CATSPERB: variants seen among roughly 807,000 people sequenced by gnomAD.
CATSPERB encodes cation channel sperm-associated auxiliary subunit beta.
In CATSPERB, 93 loss-of-function variants were observed where a neutral mutation model predicts 128.3. That is an observed-to-expected ratio of 0.72 (90% CI 0.61 to 0.86). The LOEUF (loss-of-function observed/expected upper bound fraction) is 0.86. Ranked by LOEUF, CATSPERB falls within the 40% of genes least tolerant of loss-of-function variation. The pLI, the probability that CATSPERB is intolerant of heterozygous loss-of-function variation, is 0.00. For missense variants in CATSPERB, 1,153 were observed against 1,329.5 expected, an observed-to-expected ratio of 0.87 and a Z score of 2.06; for synonymous variants, 381 against 448.8, an observed-to-expected ratio of 0.85 and a Z score of 1.91.
intron 7 of CATSPERB, among the ~76,000 whole-genome samples, chr14:91,695,129 A>T (rs914066286): frequency 1.5e-5 from 2 of 133,534 alleles, no homozygotes; most frequent in African/African-American, 2.8e-5. Flanking sequence ...AATGGTGGGA[A>T]TTTTTTTTTT....
At position 91,669,941 on chromosome 14, in the gene CATSPERB, G is replaced by A. The variant is rs768587337; in HGVS notation, c.1160C>T (p.Thr387Ile). The A allele has an allele frequency of 6.2e-6, 10 of 1,613,302 alleles. No individual in the cohort carries two copies. The African/African-American group carries it at 1.1e-4, about 17-fold the overall frequency. The change falls in exon 14 of 27, where the codon ACC (threonine) becomes ATC (isoleucine). Residue 387 changes from threonine (T) to isoleucine (I), a missense_variant. Thr to Ile is a moderately conservative substitution (Grantham distance 89). Transcript: ENST00000256343. ...VRKTAIASVS[T>I]LRNNEPNSQS... The stretch of plus-strand genomic sequence containing the variant: ...TGAATTTGGTTCATTATTTCTCAGG[G>A]TGCTCACAGAGGCAATGGCAGTTTT...
intron 10 of CATSPERB, 42 bp downstream of exon 10, chr14:91,691,481 A>G (rs746993889): frequency 2.7e-6 from 4 of 1,460,228 alleles, no homozygotes; most frequent in South Asian, 2.9e-5. Context: ...CCAAGTAAAC[A>G]CATATCTTCT....
chr14:91,581,791 G>A (rs974741561), intron 26 of CATSPERB, among the ~76,000 whole-genome samples: 18 of 152,242 alleles, frequency 1.2e-4, no homozygotes, highest in South Asian at 6.2e-4. Context: ...GGGGCATAAA[G>A]AGAGTAGGGG....
chr14:91,583,712 C>T (rs1244707045), intron 26 of CATSPERB, among the ~76,000 whole-genome samples: 2 of 152,074 alleles, frequency 1.3e-5, no homozygotes, highest in Non-Finnish European at 2.9e-5. Flanking sequence ...CTTAAATAAC[C>T]ACAGTGCAAT....
At chr14:91,708,284 T>C in intron 5 of CATSPERB, 48 bp from the exon 6 acceptor site, 5 of 1,250,702 alleles carry the variant, frequency 4.0e-6, no homozygotes, top group Non-Finnish European at 5.8e-6. Context: ...TCATATGTTG[T>C]GTTTGGTGAA....
rs768184290 is a variant in CATSPERB at position 91,693,457 on chromosome 14, A to G, written c.639T>C (p.Phe213=). The part of the protein sequence containing the change: ...IVDGVYIGIT[F]GGFWHDYDTT... ...TATCATAATCATGCCAGAATCCACC[A>G]AAGGTTATGCCTATGTAAACACCTA... is the stretch of plus-strand genomic sequence containing the variant. Residue 213 remains phenylalanine, a synonymous_variant, in exon 8 of 27, where the codon TTT becomes TTC. Transcript: ENST00000256343. 2.4e-5 allele frequency: 39 copies of G among 1,613,894 alleles called. No homozygotes were observed. The highest frequency in any genetic ancestry group is 2.0e-4 in the Admixed American group (12 of 59,976).
intron 17 of CATSPERB, among the ~76,000 whole-genome samples, chr14:91,628,926 G>T (rs1481240207): frequency 6.6e-6 from 1 of 152,158 alleles, no homozygotes; most frequent in Non-Finnish European, 1.5e-5. Flanking sequence ...TGATAGAAAT[G>T]GAAATGATAC....
At chr14:91,647,787 A>G (rs1026530823) in intron 15 of CATSPERB, among the ~76,000 whole-genome samples, 3 of 152,234 alleles carry the variant, frequency 2.0e-5, no homozygotes, top group African/African-American at 7.2e-5. Context: ...GGGAGCTACA[A>G]TTCAAGGTGA....
chr14:91,597,436 A>AATC (rs1893527508), intron 22 of CATSPERB, among the ~76,000 whole-genome samples: 1 of 152,236 alleles, frequency 6.6e-6, no homozygotes. Context: ...TTTTGTAAAC[A>AATC]ATCTATAAAA....
chr14:91,603,544 G>A, intron 22 of CATSPERB: 1 of 746,084 alleles, frequency 1.3e-6, no homozygotes, highest in South Asian at 1.6e-5. Context: ...GCAGGCAGAG[G>A]ACCCCACCGC....
Position 91,624,847 on chromosome 14 carries a change from C to A in CATSPERB, c.1903G>T (p.Val635Phe). ...TGTGAATCAAGAGTGAGTTTATAGA[C>A]ATTTCCAGCTTTATTAATCAAAAGG... ...SSLLINKAGNVYKLTLDSQVV... is the reference protein window; with the variant it reads ...SSLLINKAGNFYKLTLDSQVV... The change falls in exon 18 of 27, where the codon GTC becomes TTC. Residue 635 changes from valine to phenylalanine, a missense_variant. Coordinates refer to ENST00000256343, the MANE Select transcript of CATSPERB (RefSeq NM_024764.4). 6.2e-7 allele frequency: 1 copy of A among 1,607,476 alleles called. No individual in the cohort carries two copies. Among genetic ancestry groups the A allele is most frequent in the Non-Finnish European group, 8.5e-7 (1 of 1,178,286 alleles).
intron 6 of CATSPERB, among the ~76,000 whole-genome samples, chr14:91,707,064 TC>T (rs1192321303): frequency 1.3e-5 from 2 of 152,258 alleles, no homozygotes; most frequent in Non-Finnish European, 2.9e-5. Flanking sequence ...TTATTAGTTC[TC>T]TGCTTAAAAT....
intron 17 of CATSPERB, among the ~76,000 whole-genome samples, chr14:91,631,359 A>G (rs1894273807): frequency 6.6e-6 from 1 of 152,226 alleles, no homozygotes; most frequent in Admixed American, 6.5e-5. Flanking sequence ...AGTTATCACT[A>G]TTAAGATTTT....
At chr14:91,586,571 A>AGAGAGAGAAAGAGAG (rs374162982) in intron 26 of CATSPERB, among the ~76,000 whole-genome samples, 7 of 114,238 alleles carry the variant, frequency 6.1e-5, no homozygotes, top group Admixed American at 4.1e-4. Context: ...GAGAGAGAGA[A>AGAGAGAGAAAGAGAG]AGAGAGAGAG....
intron 4 of CATSPERB, among the ~76,000 whole-genome samples, chr14:91,721,385 T>C (rs545844346): frequency 1.3e-5 from 2 of 152,238 alleles, no homozygotes; most frequent in South Asian, 4.1e-4. Context: ...AAAACACGAA[T>C]ACCCAAACTA....
intron 26 of CATSPERB, among the ~76,000 whole-genome samples, chr14:91,584,863 T>C (rs1394244893): frequency 6.6e-6 from 1 of 152,200 alleles, no homozygotes; most frequent in African/African-American, 2.4e-5. Context: ...TTTTTGGTAG[T>C]TTGATTATGA....
chr14:91,639,407 G>A (rs983588371), intron 15 of CATSPERB, among the ~76,000 whole-genome samples, 157 bp from the exon 16 acceptor site: 5 of 152,148 alleles, frequency 3.3e-5, no homozygotes, highest in African/African-American at 4.8e-5. Context: ...TTTTTGTTAA[G>A]TCCCTGGAAA....
At chr14:91,674,632 G>T (rs780348071) in intron 11 of CATSPERB, among the ~76,000 whole-genome samples, 40 of 151,844 alleles carry the variant, frequency 2.6e-4, no homozygotes, top group Non-Finnish European at 4.3e-4. Flanking sequence ...AACATACTTT[G>T]GAATTTTGTT....
At chr14:91,630,228 C>T (rs567086861) in intron 17 of CATSPERB, among the ~76,000 whole-genome samples, 6 of 152,262 alleles carry the variant, frequency 3.9e-5, no homozygotes, top group South Asian at 2.1e-4. Context: ...TTTTTTCTAC[C>T]TTACTGGCTG....
Sources: allele counts gnomAD v4.1 joint callset (sites outside exome capture counted in the v4.1 genomes callset), GRCh38; gene constraint gnomAD v4.1.1; transcripts MANE v1.5; gene names NCBI Gene and HGNC (gene_info 2026-07-23, HGNC 2026-07-21).